Variants in GRM3 observed in about 807,000 individuals in gnomAD.
The protein encoded by GRM3 is metabotropic glutamate receptor 3.
Under a neutral mutation model 70.5 loss-of-function variants are expected in GRM3, and 26 were observed. The ratio of observed to expected loss-of-function variants is 0.37; its 90% CI spans 0.27 to 0.51. The LOEUF (loss-of-function observed/expected upper bound fraction) is 0.51, where lower values mean the gene tolerates loss of function less well. Ranked by LOEUF, GRM3 falls within the 20% of genes least tolerant of loss-of-function variation. The pLI is 0.93. For missense variants in GRM3, 859 were observed against 1,123.8 expected, an observed-to-expected ratio of 0.76 and a Z score of 3.37; for synonymous variants, 443 against 434.9, an observed-to-expected ratio of 1.02 and a Z score of -0.23.
chr7:86,842,308 A>C (rs1291877249), intron 4 of GRM3, among the ~76,000 whole-genome samples: 1 of 152,198 alleles, frequency 6.6e-6, no homozygotes, highest in Non-Finnish European at 1.5e-5. Context: ...AAACTTGAGA[A>C]ACTTTACATA....
At chr7:86,762,086 T>C (rs574609420) in intron 1 of GRM3, among the ~76,000 whole-genome samples, 4 of 152,300 alleles carry the variant, frequency 2.6e-5, no homozygotes, top group East Asian at 3.9e-4. Flanking sequence ...AATTTCTGCA[T>C]CTTTATCATT....
intron 1 of GRM3, among the ~76,000 whole-genome samples, chr7:86,739,258 T>A (rs1341836886): frequency 2.0e-5 from 3 of 152,242 alleles, no homozygotes; most frequent in Non-Finnish European, 4.4e-5. Context: ...ACTACAGGCA[T>A]GAGCCACCGC....
At chr7:86,837,075 G>A (rs1798470672) in intron 3 of GRM3, among the ~76,000 whole-genome samples, 1 of 152,064 alleles carries the variant, frequency 6.6e-6, no homozygotes, top group African/African-American at 2.4e-5. Flanking sequence ...TGTAGGGTGA[G>A]ATAACAAGAA....
chr7:86,861,002 C>T (rs955153549), intron 5 of GRM3, among the ~76,000 whole-genome samples: 1 of 152,156 alleles, frequency 6.6e-6, no homozygotes, highest in African/African-American at 2.4e-5. Flanking sequence ...TCTTCAATCG[C>T]TAAAATTTCA....
At chr7:86,738,082 C>T (rs1795904839) in intron 1 of GRM3, among the ~76,000 whole-genome samples, 1 of 152,112 alleles carries the variant, frequency 6.6e-6, no homozygotes. Flanking sequence ...GGTTGAATGA[C>T]AAGGAGAGAC....
At chr7:86,716,075 T>C (rs924105944) in intron 1 of GRM3, among the ~76,000 whole-genome samples, 1 of 152,098 alleles carries the variant, frequency 6.6e-6, no homozygotes, top group Admixed American at 6.6e-5. Flanking sequence ...TGCATGTAAA[T>C]GAAGTACACA....
intron 1 of GRM3, among the ~76,000 whole-genome samples, chr7:86,729,205 C>A (rs1249564116): frequency 6.6e-6 from 1 of 152,160 alleles, no homozygotes; most frequent in Non-Finnish European, 1.5e-5. Context: ...CCAAGCTGGA[C>A]TGTCTGTTCA....
chr7:86,659,712 T>TA (rs1390232114), intron 1 of GRM3, among the ~76,000 whole-genome samples: 2 of 152,070 alleles, frequency 1.3e-5, no homozygotes, highest in Non-Finnish European at 2.9e-5. Flanking sequence ...AGAGTGTATC[T>TA]AATTACTTAT....
chr7:86,734,697 C>T (rs371623995), intron 1 of GRM3, among the ~76,000 whole-genome samples: 3 of 152,172 alleles, frequency 2.0e-5, no homozygotes, highest in African/African-American at 7.2e-5. Context: ...CTATCCCCTG[C>T]TAATTTTAGA....
chr7:86,796,294 TC>T (rs1797548919), intron 3 of GRM3, among the ~76,000 whole-genome samples: 1 of 152,228 alleles, frequency 6.6e-6, no homozygotes, highest in East Asian at 1.9e-4. Context: ...TAGCCAGTTT[TC>T]CCAGCACCAT....
At chr7:86,861,415 T>C (rs1562885186) in intron 5 of GRM3, among the ~76,000 whole-genome samples, 1 of 152,160 alleles carries the variant, frequency 6.6e-6, no homozygotes, top group African/African-American at 2.4e-5. Context: ...GGGTATAGGA[T>C]GCTACACCAA....
chr7:86,851,034 T>C (rs1317121611), intron 5 of GRM3, among the ~76,000 whole-genome samples: 1 of 152,192 alleles, frequency 6.6e-6, no homozygotes, highest in Non-Finnish European at 1.5e-5. Flanking sequence ...TGAAAAGTGC[T>C]ACATTCCTAA....
intron 2 of GRM3, among the ~76,000 whole-genome samples, chr7:86,783,454 T>C (rs1229082022): frequency 6.6e-6 from 1 of 152,138 alleles, no homozygotes; most frequent in African/African-American, 2.4e-5. Context: ...ATATCTAAAA[T>C]AGAGATAATA....
intron 3 of GRM3, among the ~76,000 whole-genome samples, chr7:86,805,933 G>A (rs935173170): frequency 4.9e-5 from 7 of 142,690 alleles, no homozygotes; most frequent in African/African-American, 1.9e-4. Context: ...AGTGTGTGAT[G>A]TTCCCCACCC....
chr7:86,830,815 C>G (rs1423491883), intron 3 of GRM3, among the ~76,000 whole-genome samples: 1 of 152,082 alleles, frequency 6.6e-6, no homozygotes, highest in African/African-American at 2.4e-5. Context: ...AGTGCTTATA[C>G]AGGTAACCAA....
intron 1 of GRM3, among the ~76,000 whole-genome samples, chr7:86,646,373 A>G (rs1223347116): frequency 6.6e-6 from 1 of 152,162 alleles, no homozygotes; most frequent in African/African-American, 2.4e-5. Flanking sequence ...TTAGCTGTCA[A>G]TCTTATTGGG....
At chr7:86,736,485 T>G (rs1221086465) in intron 1 of GRM3, among the ~76,000 whole-genome samples, 2 of 152,224 alleles carry the variant, frequency 1.3e-5, no homozygotes, top group African/African-American at 4.8e-5. Flanking sequence ...CAGATTCCAC[T>G]TGGGGTTTTG....
At chr7:86,762,833 G>A (rs962119345) in intron 1 of GRM3, among the ~76,000 whole-genome samples, 2 of 152,038 alleles carry the variant, frequency 1.3e-5, no homozygotes, top group East Asian at 3.9e-4. Context: ...AAAGCAAGGG[G>A]TCATCAACAC....
chr7:86,767,187 G>A (rs1265836541), intron 2 of GRM3, among the ~76,000 whole-genome samples: 2 of 151,802 alleles, frequency 1.3e-5, no homozygotes, highest in African/African-American at 4.8e-5. Flanking sequence ...CCTCTAGCCT[G>A]GAGCAACTGA....
Sources: gnomAD v4.1 joint callset for allele counts (sites outside exome capture counted in the v4.1 genomes callset) on GRCh38, gnomAD v4.1.1 for gene constraint, MANE v1.5 for transcripts, NCBI Gene and HGNC (gene_info 2026-07-23, HGNC 2026-07-21) for gene names.